PLGRKT: variants seen among roughly 807,000 people sequenced by gnomAD.
PLGRKT encodes the protein plasminogen receptor (KT).
In PLGRKT, 22 loss-of-function variants were observed where a neutral mutation model predicts 18.5. The observed-to-expected ratio is 1.19, with a 90% CI of 0.85 to 1.70. The LOEUF (loss-of-function observed/expected upper bound fraction) is 1.70. Among genes scored for constraint, PLGRKT ranks in the 40% most tolerant of loss-of-function variants. The pLI, the probability that PLGRKT is intolerant of heterozygous loss-of-function variation, is 0.00. For missense variants in PLGRKT, 235 were observed against 174.4 expected (o/e 1.35, Z -1.96); for synonymous variants, 72 against 52.8 (o/e 1.36, Z -1.58).
Position 5,418,301 on chromosome 9 carries a change from G to T in PLGRKT, c.81+13596C>A. 1 of 517,934 alleles carries T rather than the reference G, an allele frequency of 1.9e-6. No individual in the cohort carries two copies. 32.1% of individuals were successfully genotyped at this position (517,934 alleles called of 1,614,324 possible). On this transcript the variant is annotated intron_variant, in intron 3 of 5. Transcript: ENST00000223864. The surrounding 1 kb of genome is among the most constrained non-coding windows in gnomAD (Gnocchi z 4.2). ...AGTGTCGCCCCCTCATCTTCTCACT[G>T]GGATCTCATCACCAATGTGCTCAAC...
intron 3 of PLGRKT, among the ~76,000 whole-genome samples, chr9:5,395,721 A>C (rs1224411824): frequency 6.6e-6 from 1 of 151,824 alleles, no homozygotes; most frequent in African/African-American, 2.4e-5. Flanking sequence ...ATCTCTTGAA[A>C]TAGGCAAAAA....
At chr9:5,419,873 A>G (rs1406636568) in intron 3 of PLGRKT, among the ~76,000 whole-genome samples, 1 of 152,240 alleles carries the variant, frequency 6.6e-6, no homozygotes, top group East Asian at 1.9e-4. Flanking sequence ...ATTACTAGGT[A>G]TATACCCAAA....
chr9:5,361,766 T>C lies in PLGRKT; in HGVS notation c.204A>G (p.Leu68=). 1.2e-6 allele frequency: 2 copies of C among 1,609,978 alleles called. No individual in the cohort carries two copies. The highest frequency in any genetic ancestry group is 1.7e-5 in the Admixed American group (1 of 59,032). Residue 68 remains leucine, a synonymous_variant, in exon 4 of 6, where the codon TTA becomes TTG. Coordinates refer to ENST00000223864, the MANE Select transcript of PLGRKT (RefSeq NM_018465.4). ...GTFFGLAAIS[L]TAGAIKKKKP... is the part of the protein sequence containing the mutation. ...TTAAATAGCAAACATACCCAGCTGT[T>C]AAAGAGATGGCTGCAAGGCCAAAAA...
In PLGRKT at chr9:5,419,806, A is replaced by G. The variant is rs1029793071; in HGVS notation, c.81+12091T>C. 2.6e-5 allele frequency among the ~76,000 whole-genome samples: 4 copies of G among 152,236 alleles called. No homozygotes were observed. In the East Asian group the frequency reaches 5.8e-4, roughly 22 times the overall value. The stretch of plus-strand genomic sequence containing the variant: ...AAAAACTGTGGCCATGGTGGAAAAG[A>G]GTTTGGTGGTTCCTCAATAAGTTAA... On this transcript the variant is annotated intron_variant, in intron 3 of 5. Transcript: ENST00000223864.
At chr9:5,433,556 G>A (rs1326320624) in intron 2 of PLGRKT, among the ~76,000 whole-genome samples, 1 of 147,516 alleles carries the variant, frequency 6.8e-6, no homozygotes, top group Non-Finnish European at 1.5e-5. Flanking sequence ...GATGTGAGGA[G>A]TGCCTCTGCC....
rs186444731 is a variant in PLGRKT at position 5,418,499 on chromosome 9, C to T, written c.81+13398G>A. ...ACCCTCAACCACATGGAGCTTTTCA[C>T]CATGCCCCGCCTGTCCTGCTCCTCC... On this transcript the variant is annotated intron_variant, in intron 3 of 5. Transcript: ENST00000223864. The surrounding 1 kb of genome is among the most constrained non-coding windows in gnomAD (Gnocchi z 4.2). 6.4e-5 allele frequency: 71 copies of T among 1,103,278 alleles called. No individual in the cohort carries two copies. The highest frequency in any genetic ancestry group is 5.6e-4 in the African/African-American group (37 of 65,916). The allele number at this position is 1,103,278 out of a possible 1,614,324, so 68.3% of individuals were successfully genotyped here.
intron 3 of PLGRKT, among the ~76,000 whole-genome samples, chr9:5,372,831 G>C (rs1052331012): frequency 1.6e-4 from 25 of 152,166 alleles, no homozygotes; most frequent in Non-Finnish European, 2.9e-4. Context: ...CATGCTATTA[G>C]GGAGTTGGAA....
chr9:5,425,539 T>C, intron 3 of PLGRKT, among the ~76,000 whole-genome samples: 1 of 152,214 alleles, frequency 6.6e-6, no homozygotes, highest in Non-Finnish European at 1.5e-5. Context: ...CATTATAGAT[T>C]ATATTAAATC....
intron 3 of PLGRKT, among the ~76,000 whole-genome samples, chr9:5,369,445 T>C (rs147705420): frequency 0.012 from 1,807 of 152,156 alleles, 14 homozygotes; most frequent in Middle Eastern, 0.034. Context: ...AAACAACAGA[T>C]GGTGGAGAGG....
chr9:5,382,364 G>C (rs991660499), intron 3 of PLGRKT, among the ~76,000 whole-genome samples: 3 of 152,184 alleles, frequency 2.0e-5, no homozygotes, highest in Admixed American at 6.5e-5. Context: ...AGTCCTGAGA[G>C]GCCTCTGTGA....
At chr9:5,410,353 T>G (rs941899093) in intron 3 of PLGRKT, among the ~76,000 whole-genome samples, 1 of 151,958 alleles carries the variant, frequency 6.6e-6, no homozygotes, top group African/African-American at 2.4e-5. Flanking sequence ...CTAGGCAACA[T>G]GGTGAAACCC....
intron 3 of PLGRKT, among the ~76,000 whole-genome samples, chr9:5,381,664 G>A (rs1817748789): frequency 1.3e-5 from 2 of 148,634 alleles, no homozygotes; most frequent in South Asian, 4.3e-4. Flanking sequence ...TGTAAATGCA[G>A]AGATCTAAAA....
At chr9:5,375,375 G>A (rs940185169) in intron 3 of PLGRKT, among the ~76,000 whole-genome samples, 2 of 152,178 alleles carry the variant, frequency 1.3e-5, no homozygotes, top group African/African-American at 2.4e-5. Context: ...GAAAATGCAT[G>A]AGCTTCCAGG....
chr9:5,418,479 C>T lies in PLGRKT; in HGVS notation c.81+13418G>A. On this transcript the variant is annotated intron_variant, in intron 3 of 5. Transcript: ENST00000223864. This position sits in a 1 kb window ranked among gnomAD's most constrained non-coding sequence, Gnocchi z 4.2. The stretch of plus-strand genomic sequence containing the variant: ...CCACCAAGATGACAGTGCACACCCT[C>T]AACCACATGGAGCTTTTCACCATGC... The T allele has an allele frequency of 9.1e-7, 1 of 1,093,376 alleles. No homozygotes were observed. Among genetic ancestry groups the T allele is most frequent in the South Asian group, 1.2e-5 (1 of 81,058 alleles). 67.7% of individuals were successfully genotyped at this position (1,093,376 alleles called of 1,614,324 possible).
At chr9:5,362,096 GAATA>G (rs1476711581) in intron 3 of PLGRKT, among the ~76,000 whole-genome samples, 1 of 152,190 alleles carries the variant, frequency 6.6e-6, no homozygotes, top group Non-Finnish European at 1.5e-5. Context: ...AATAAATACA[GAATA>G]AATATCAATA....
intron 3 of PLGRKT, among the ~76,000 whole-genome samples, chr9:5,412,550 A>G (rs1331396067): frequency 2.0e-5 from 3 of 152,206 alleles, no homozygotes; most frequent in Non-Finnish European, 4.4e-5. Context: ...GCTTCCCGCC[A>G]TGTCCTGATG....
intron 3 of PLGRKT, among the ~76,000 whole-genome samples, chr9:5,382,751 G>C (rs1358618570): frequency 1.3e-5 from 2 of 152,244 alleles, no homozygotes; most frequent in African/African-American, 4.8e-5. Flanking sequence ...AACACAGGTA[G>C]ACCCACTAGG....
At chr9:5,394,847 G>A (rs1436767791) in intron 3 of PLGRKT, among the ~76,000 whole-genome samples, 1 of 151,812 alleles carries the variant, frequency 6.6e-6, no homozygotes, top group African/African-American at 2.4e-5. Flanking sequence ...TCTTGCTGCT[G>A]GAGATAGACT....
chr9:5,423,283 C>T (rs58039342), intron 3 of PLGRKT, among the ~76,000 whole-genome samples: 2,150 of 152,222 alleles, frequency 0.014, 47 homozygotes, highest in African/African-American at 0.048. Flanking sequence ...TCAACTGGCA[C>T]GTGATAGACA....
Sources: gnomAD v4.1 joint callset for allele counts (sites outside exome capture counted in the v4.1 genomes callset) on GRCh38, gnomAD v4.1.1 for gene constraint, Gnocchi (gnomAD v3.1) non-coding constraint, MANE v1.5 for transcripts, NCBI Gene and HGNC (gene_info 2026-07-23, HGNC 2026-07-21) for gene names.